NNT: variants seen among roughly 807,000 people sequenced by gnomAD.
NNT encodes NAD(P) transhydrogenase, mitochondrial.
NNT carries 50 observed loss-of-function variants against 104.8 expected under a neutral mutation model. The observed-to-expected ratio is 0.48, with a 90% CI of 0.38 to 0.60. The LOEUF is 0.60. Among genes scored for constraint, NNT ranks in the 20% least tolerant of loss-of-function variants. NNT has a pLI of 0.00. For missense variants in NNT, 1,131 were observed against 1,330.7 expected (o/e 0.85, Z 2.33); for synonymous variants, 461 against 490.4 (o/e 0.94, Z 0.79).
chr5:43,662,132 TA>T (rs1203934408), intron 17 of NNT, among the ~76,000 whole-genome samples: 1 of 152,228 alleles, frequency 6.6e-6, no homozygotes, highest in African/African-American at 2.4e-5. Flanking sequence ...TATCCTTTTT[TA>T]AAAATGGTTT....
rs774026067 is a variant in NNT, at chr5:43,704,394, A to G, written c.3251A>G (p.Tyr1084Cys). 9.3e-6 allele frequency: 15 copies of G among 1,613,664 alleles called. No individual in the cohort carries two copies. The South Asian group carries it at 1.4e-4, about 15-fold the overall frequency. ...CTCCAGGCGAAAGTTAGAGAATCCT[A>G]TCAGAAGTAAATATTAAGGATCAAG... ...DALQAKVRESYQK is the reference protein window; with the variant it reads ...DALQAKVRESCQK The change falls in exon 22 of 22, where the codon TAT becomes TGT. Residue 1084 changes from tyrosine to cysteine, a missense_variant. Coordinates refer to ENST00000344920, the MANE Select transcript of NNT (RefSeq NM_182977.3).
chr5:43,651,254 C>G (rs1183342828), intron 12 of NNT, among the ~76,000 whole-genome samples: 3 of 152,082 alleles, frequency 2.0e-5, no homozygotes, highest in African/African-American at 4.8e-5. Context: ...CCCCACCTCT[C>G]TAATGGAACT....
intron 13 of NNT, 136 bp from the exon 14 acceptor site, chr5:43,652,882 A>T (rs2111907722): frequency 1.7e-6 from 1 of 587,798 alleles, no homozygotes; most frequent in Non-Finnish European, 2.8e-6. Context: ...ATCAATTTAT[A>T]TAAATGGTAT....
intron 17 of NNT, among the ~76,000 whole-genome samples, chr5:43,673,555 G>A (rs905337929): frequency 6.6e-6 from 1 of 152,132 alleles, no homozygotes; most frequent in Non-Finnish European, 1.5e-5. Flanking sequence ...AACAATTTCA[G>A]AACTGTATAA....
rs568825737 is a variant in NNT, at chr5:43,628,878, C to T, written c.964+491C>T. 1.9e-3 allele frequency among the ~76,000 whole-genome samples: 284 copies of T among 152,152 alleles called. 3 individuals carry two copies. The highest frequency in any genetic ancestry group is 7.4e-4 in the Non-Finnish European group (50 of 68,002). On this transcript the variant is annotated intron_variant, in intron 7 of 21. Transcript: ENST00000344920. ...CTGGGATTACAGGCGTGAGTTACCA[C>T]GCCTAGCCCTTTTGTGAATTTTTAT...
At chr5:43,626,260 A>G (rs1285326054) in intron 6 of NNT, among the ~76,000 whole-genome samples, 4 of 152,112 alleles carry the variant, frequency 2.6e-5, no homozygotes, top group Non-Finnish European at 1.5e-5. Context: ...TAACATTTAC[A>G]TTTATTAGGC....
At chr5:43,667,172 T>G in intron 17 of NNT, 1 of 1,478,172 alleles carries the variant, frequency 6.8e-7, no homozygotes, top group Non-Finnish European at 9.3e-7. Context: ...GGTTTCTTGA[T>G]ACCATTTCTG....
intron 17 of NNT, among the ~76,000 whole-genome samples, chr5:43,673,427 CA>C (rs1405144080): frequency 3.3e-5 from 5 of 152,252 alleles, no homozygotes; most frequent in Non-Finnish European, 5.9e-5. Context: ...TCTTGGAACC[CA>C]ATCCTCACTG....
At chr5:43,668,591 G>C (rs1427219743) in intron 17 of NNT, among the ~76,000 whole-genome samples, 1 of 152,158 alleles carries the variant, frequency 6.6e-6, no homozygotes, top group Non-Finnish European at 1.5e-5. Flanking sequence ...GATGGTTGTA[G>C]ATGTGTGGTA....
intron 17 of NNT, among the ~76,000 whole-genome samples, chr5:43,673,609 T>C (rs1378900105): frequency 1.3e-5 from 2 of 152,232 alleles, no homozygotes; most frequent in African/African-American, 4.8e-5. Context: ...AGTTGAATGT[T>C]TGGGACGTCT....
chr5:43,661,205 T>C (rs2111977704), intron 17 of NNT, among the ~76,000 whole-genome samples: 1 of 152,270 alleles, frequency 6.6e-6, no homozygotes, highest in Non-Finnish European at 1.5e-5. Flanking sequence ...TCAGGCTTTG[T>C]GACAGAAAGA....
In NNT at chr5:43,644,213, T is replaced by G; in HGVS notation, c.986T>G (p.Phe329Cys). 2 of 1,605,752 alleles carry G rather than the reference T, an allele frequency of 1.2e-6. No homozygotes were observed. The highest frequency in any genetic ancestry group is 8.5e-7 in the Non-Finnish European group (1 of 1,177,556). Reference protein sequence around the residue: ...LIPGKKAPVLFNKEMIESMKE... With the variant: ...LIPGKKAPVLCNKEMIESMKE... ...TTAGGTAAAAAAGCTCCAGTTTTAT[T>G]TAATAAAGAAATGATTGAGTCAATG... is the stretch of plus-strand genomic sequence containing the variant. Residue 329 changes from phenylalanine (F) to cysteine (C), a missense_variant, in exon 8 of 22, where the codon TTT becomes TGT. By Grantham distance (205) the Phe-to-Cys change is radical (BLOSUM62 -2). Coordinates refer to ENST00000344920, the MANE Select transcript of NNT (RefSeq NM_182977.3).
chr5:43,649,361 C>T, intron 11 of NNT, 53 bp downstream of exon 11: 6 of 1,584,342 alleles, frequency 3.8e-6, no homozygotes, highest in Non-Finnish European at 5.2e-6. Flanking sequence ...GGTTACTCAG[C>T]TCTAGGAGGA....
In NNT at chr5:43,648,943, G is replaced by C. The variant is rs193167824; in HGVS notation, c.1445-204G>C. ...AGATCTTTATAGCTTATTTTGGGGGGGTGGTCAGAAAGTTGGGTTTTGTCC... is the reference window on the plus strand; with the variant it reads ...AGATCTTTATAGCTTATTTTGGGGGCGTGGTCAGAAAGTTGGGTTTTGTCC... On this transcript the variant is annotated intron_variant, in intron 10 of 21. Transcript: ENST00000344920. Among the ~76,000 whole-genome samples the C allele has an allele frequency of 3.3e-5, 5 of 152,142 alleles. No homozygotes were observed. The East Asian group carries it at 9.6e-4, about 29-fold the overall frequency.
intron 7 of NNT, among the ~76,000 whole-genome samples, chr5:43,635,415 A>G (rs1750881445): frequency 6.6e-6 from 1 of 152,156 alleles, no homozygotes. Context: ...GAAGTGGTAC[A>G]CATCATTCTT....
chr5:43,656,131 C>T, intron 15 of NNT, 58 bp downstream of exon 15: 1 of 1,423,232 alleles, frequency 7.0e-7, no homozygotes, highest in Non-Finnish European at 9.9e-7. Flanking sequence ...ATTTAGGGAT[C>T]CATTTTAATT....
rs528571773 is a variant in NNT, at chr5:43,629,688, A to G, written c.964+1301A>G. ...GCCATTCTTGCAGGAGTAAGGTGGT[A>G]TCTCATTGTAGTTTTGATTTGCATT... On this transcript the variant is annotated intron_variant, in intron 7 of 21. Transcript: ENST00000344920. 2.4e-4 allele frequency among the ~76,000 whole-genome samples: 36 copies of G among 152,298 alleles called. No individual in the cohort carries two copies. In the East Asian group the frequency reaches 6.6e-3, roughly 28 times the overall value.
At chr5:43,623,853 T>C (rs187651763) in intron 5 of NNT, among the ~76,000 whole-genome samples, 179 bp from the exon 6 acceptor site, 350 of 152,322 alleles carry the variant, frequency 2.3e-3, no homozygotes, top group African/African-American at 8.1e-3. Flanking sequence ...TCAGTGGTGG[T>C]TCAGTTAAAG....
intron 18 of NNT, 133 bp downstream of exon 18, chr5:43,675,803 A>G (rs1161897239): frequency 1.2e-5 from 8 of 655,072 alleles, no homozygotes; most frequent in Non-Finnish European, 1.7e-5. Context: ...TAGCAAATCT[A>G]TGATTACTAA....
Sources: gnomAD v4.1 joint callset for allele counts (sites outside exome capture counted in the v4.1 genomes callset) on GRCh38, gnomAD v4.1.1 for gene constraint, MANE v1.5 for transcripts, NCBI Gene and HGNC (gene_info 2026-07-23, HGNC 2026-07-21) for gene names.